The following SH3BGRL2 variants were observed in gnomAD, a reference collection of about 807,000 sequenced individuals.
SH3BGRL2 encodes SH3 domain binding glutamate rich protein like 2.
Under a neutral mutation model 14.8 loss-of-function variants are expected in SH3BGRL2, and 21 were observed. The observed-to-expected ratio is 1.42, with a 90% CI of 1.01 to 2.05. SH3BGRL2 has a LOEUF of 2.05. Among genes scored for constraint, SH3BGRL2 ranks in the 30% most tolerant of loss-of-function variants. SH3BGRL2 has a pLI of 0.00. For synonymous variants in SH3BGRL2, 50 were observed against 47.8 expected (o/e 1.05, Z -0.19); for missense variants, 147 against 130.8 (o/e 1.12, Z -0.61).
chr6:79,609,374 GT>G, the SH3BGRL2 span, among the ~76,000 whole-genome samples: 2 of 152,170 alleles, frequency 1.3e-5, no homozygotes, highest in Non-Finnish European at 2.9e-5. Context: ...AGGAGGAATG[GT>G]CATGCCTGAT....
chr6:79,675,828 GTGT>G, intron 2 of SH3BGRL2, among the ~76,000 whole-genome samples: 1 of 72,918 alleles, frequency 1.4e-5, no homozygotes, highest in East Asian at 2.9e-4. Context: ...TCTGTTAGTT[GTGT>G]TGTTCCTGTT....
At chr6:79,611,613 T>C in the SH3BGRL2 span, among the ~76,000 whole-genome samples, 5 of 152,102 alleles carry the variant, frequency 3.3e-5, no homozygotes, top group African/African-American at 7.2e-5. Context: ...GGTTTCGCCA[T>C]GTTGGCCAGG....
chr6:79,642,652 A>G (rs78387189), intron 1 of SH3BGRL2, among the ~76,000 whole-genome samples: 5,773 of 152,246 alleles, frequency 0.038, 357 homozygotes, highest in African/African-American at 0.13. Context: ...AACTTCATGT[A>G]TTTAGACTCT....
intron 1 of SH3BGRL2, among the ~76,000 whole-genome samples, chr6:79,654,559 T>C (rs1354192237): frequency 6.6e-6 from 1 of 152,236 alleles, no homozygotes. Flanking sequence ...ATCACGATTT[T>C]GTTGGGTTTG....
chr6:79,595,299 A>C, the SH3BGRL2 span, among the ~76,000 whole-genome samples: 1 of 152,222 alleles, frequency 6.6e-6, no homozygotes, highest in African/African-American at 2.4e-5. Flanking sequence ...TTAAAAAAAA[A>C]AAGGAATCTG....
the SH3BGRL2 span, among the ~76,000 whole-genome samples, chr6:79,615,701 T>C: frequency 6.6e-6 from 1 of 152,210 alleles, no homozygotes; most frequent in East Asian, 1.9e-4. Context: ...TGTATGTGAG[T>C]TGTAGCACAC....
At chr6:79,663,844 C>T (rs1267789932) in intron 1 of SH3BGRL2, among the ~76,000 whole-genome samples, 1 of 152,196 alleles carries the variant, frequency 6.6e-6, no homozygotes, top group Non-Finnish European at 1.5e-5. Flanking sequence ...TTCCTGGTGG[C>T]TTTGTTTACC....
At chr6:79,666,454 G>A (rs1320225836) in intron 1 of SH3BGRL2, among the ~76,000 whole-genome samples, 1 of 152,210 alleles carries the variant, frequency 6.6e-6, no homozygotes, top group Non-Finnish European at 1.5e-5. Flanking sequence ...GTCTGCCACA[G>A]TACTTTCTGC....
the SH3BGRL2 span, among the ~76,000 whole-genome samples, chr6:79,571,553 G>A: frequency 3.3e-5 from 5 of 151,946 alleles, no homozygotes; most frequent in African/African-American, 4.8e-5. Context: ...CATGATGATT[G>A]GATATACATG....
intron 3 of SH3BGRL2, 87 bp downstream of exon 3, chr6:79,696,652 G>A: frequency 1.1e-6 from 1 of 938,148 alleles, no homozygotes; most frequent in Non-Finnish European, 1.6e-6. Flanking sequence ...TTAGAGGAAT[G>A]CATATATAAT....
the SH3BGRL2 span, among the ~76,000 whole-genome samples, chr6:79,590,832 A>T: frequency 2.9e-3 from 436 of 152,168 alleles, 3 homozygotes; most frequent in African/African-American, 9.7e-3. Context: ...CAAAATAAAT[A>T]AATTAATTAA....
the SH3BGRL2 span, among the ~76,000 whole-genome samples, chr6:79,621,139 GT>G: frequency 6.6e-6 from 1 of 151,942 alleles, no homozygotes; most frequent in South Asian, 2.1e-4. Flanking sequence ...CTTGGCATAG[GT>G]TATGTCATTT....
At chr6:79,683,693 C>T (rs1330625497) in intron 2 of SH3BGRL2, among the ~76,000 whole-genome samples, 5 of 152,106 alleles carry the variant, frequency 3.3e-5, no homozygotes, top group Admixed American at 6.5e-5. Flanking sequence ...GTGATCTGCC[C>T]GCCTTGGCCT....
chr6:79,698,661 G>A (rs1056564626), intron 3 of SH3BGRL2, among the ~76,000 whole-genome samples: 5 of 151,952 alleles, frequency 3.3e-5, no homozygotes, highest in Non-Finnish European at 4.4e-5. Context: ...TGGCCTGCAG[G>A]CCACATTGGC....
At chr6:79,609,875 A>T in the SH3BGRL2 span, among the ~76,000 whole-genome samples, 1 of 152,222 alleles carries the variant, frequency 6.6e-6, no homozygotes, top group African/African-American at 2.4e-5. Flanking sequence ...AACTGACCAA[A>T]GAAGGCAGGC....
the SH3BGRL2 span, among the ~76,000 whole-genome samples, chr6:79,604,048 AC>A: frequency 1.3e-5 from 2 of 152,080 alleles, no homozygotes; most frequent in Non-Finnish European, 2.9e-5. Flanking sequence ...CAGGTGTTCT[AC>A]CTGCCTCGGC....
At chr6:79,548,651 T>C in the SH3BGRL2 span, among the ~76,000 whole-genome samples, 2 of 152,182 alleles carry the variant, frequency 1.3e-5, no homozygotes, top group African/African-American at 4.8e-5. Context: ...ACCATATGTC[T>C]AGCACCTAGA....
At chr6:79,667,808 G>A (rs149760558) in intron 1 of SH3BGRL2, among the ~76,000 whole-genome samples, 1 of 152,182 alleles carries the variant, frequency 6.6e-6, no homozygotes, top group East Asian at 1.9e-4. Context: ...TAAGAGAGAT[G>A]CCAAGTAATA....
At chr6:79,564,870 C>T in the SH3BGRL2 span, among the ~76,000 whole-genome samples, 1 of 152,154 alleles carries the variant, frequency 6.6e-6, no homozygotes. Flanking sequence ...TCTCCTGGTA[C>T]ATCTCCTGCT....
Sources: gnomAD v4.1 joint callset for allele counts (sites outside exome capture counted in the v4.1 genomes callset) on GRCh38, gnomAD v4.1.1 for gene constraint, MANE v1.5 for transcripts, NCBI Gene and HGNC (gene_info 2026-07-23, HGNC 2026-07-21) for gene names.